KCNH1: variants seen among roughly 807,000 people sequenced by gnomAD.
KCNH1 encodes potassium voltage-gated channel subfamily H member 1, also known as voltage-gated delayed rectifier potassium channel KCNH1.
In KCNH1, 27 loss-of-function variants were observed where a neutral mutation model predicts 69.2. That is an observed-to-expected ratio of 0.39 (90% confidence interval 0.29 to 0.54). The LOEUF (loss-of-function observed/expected upper bound fraction) is 0.54, where lower values mean the gene tolerates loss of function less well. Among genes scored for constraint, KCNH1 ranks in the 20% least tolerant of loss-of-function variants. The pLI is 0.68. For synonymous variants in KCNH1, 456 were observed against 487.7 expected (o/e 0.93, Z 0.86); for missense variants, 798 against 1,261.6 (o/e 0.63, Z 5.57).
At chr1:210,980,687 A>G (rs968124589) in intron 6 of KCNH1, among the ~76,000 whole-genome samples, 4 of 152,164 alleles carry the variant, frequency 2.6e-5, no homozygotes, top group African/African-American at 9.7e-5. Context: ...TTGTCATGAG[A>G]ATAGTATGAG....
chr1:210,782,721 C>T (rs955222327), intron 9 of KCNH1, among the ~76,000 whole-genome samples: 12 of 151,368 alleles, frequency 7.9e-5, no homozygotes, highest in Middle Eastern at 3.4e-3. Context: ...AGTGAAACTC[C>T]GTCTCAAAAA....
intron 5 of KCNH1, among the ~76,000 whole-genome samples, chr1:211,061,576 C>T (rs1317431481): frequency 6.6e-6 from 1 of 151,860 alleles, no homozygotes; most frequent in Non-Finnish European, 1.5e-5. Flanking sequence ...AAACTAAAGA[C>T]TCCATTAAAA....
chr1:210,989,921 C>G (rs961281948), intron 6 of KCNH1, among the ~76,000 whole-genome samples: 5 of 152,138 alleles, frequency 3.3e-5, no homozygotes, highest in African/African-American at 1.2e-4. Context: ...TTTTCTCTTC[C>G]CTAGTCCCTA....
At chr1:210,921,075 G>A (rs1687450256) in intron 6 of KCNH1, among the ~76,000 whole-genome samples, 1 of 152,330 alleles carries the variant, frequency 6.6e-6, no homozygotes, top group Non-Finnish European at 1.5e-5. Context: ...GGATAATTCA[G>A]TTACCCCTTG....
chr1:210,721,815 ATAAAT>A (rs1462145184), intron 10 of KCNH1, among the ~76,000 whole-genome samples: 1 of 151,930 alleles, frequency 6.6e-6, no homozygotes, highest in Non-Finnish European at 1.5e-5. Flanking sequence ...AAATAAATAA[ATAAAT>A]AAATAAATAA....
intron 4 of KCNH1, among the ~76,000 whole-genome samples, chr1:211,088,636 A>G (rs1010161961): frequency 6.6e-6 from 1 of 152,246 alleles, no homozygotes; most frequent in African/African-American, 2.4e-5. Context: ...CATGTCTTTC[A>G]GGAGACATTA....
intron 5 of KCNH1, among the ~76,000 whole-genome samples, chr1:211,032,705 C>T (rs987699636): frequency 6.6e-6 from 1 of 152,094 alleles, no homozygotes; most frequent in African/African-American, 2.4e-5. Flanking sequence ...AACTGGCTAG[C>T]CATATGTAGA....
At chr1:210,925,790 C>T (rs1329402977) in intron 6 of KCNH1, among the ~76,000 whole-genome samples, 1 of 152,198 alleles carries the variant, frequency 6.6e-6, no homozygotes, top group Non-Finnish European at 1.5e-5. Flanking sequence ...TCTTTCTCTA[C>T]CAGCCCTGGT....
intron 3 of KCNH1, among the ~76,000 whole-genome samples, chr1:211,097,451 T>C (rs1405656376): frequency 6.6e-6 from 1 of 152,122 alleles, no homozygotes; most frequent in Admixed American, 6.5e-5. Context: ...AAAAAAAGTT[T>C]AAAAAGTTAA....
chr1:210,729,122 A>G (rs1682680670), intron 10 of KCNH1, among the ~76,000 whole-genome samples: 1 of 152,194 alleles, frequency 6.6e-6, no homozygotes, highest in South Asian at 2.1e-4. Flanking sequence ...AGAAGTAATC[A>G]TTTCCCTTCA....
chr1:210,775,760 A>T (rs1374544212), intron 9 of KCNH1, among the ~76,000 whole-genome samples: 1 of 152,192 alleles, frequency 6.6e-6, no homozygotes, highest in Non-Finnish European at 1.5e-5. Flanking sequence ...GCCAAAGTTT[A>T]ATCACTTTGA....
intron 6 of KCNH1, among the ~76,000 whole-genome samples, chr1:210,941,958 G>C (rs759538354): frequency 6.6e-6 from 1 of 152,172 alleles, no homozygotes; most frequent in Non-Finnish European, 1.5e-5. Flanking sequence ...ATGGTGATGA[G>C]ACTACTAATC....
At chr1:210,899,758 A>G (rs1000884135) in intron 7 of KCNH1, among the ~76,000 whole-genome samples, 2 of 152,196 alleles carry the variant, frequency 1.3e-5, no homozygotes, top group African/African-American at 2.4e-5. Flanking sequence ...AACATATTCC[A>G]TTTTGCAGAT....
chr1:210,913,679 T>C (rs1295954756), intron 7 of KCNH1, among the ~76,000 whole-genome samples: 3 of 152,194 alleles, frequency 2.0e-5, no homozygotes, highest in African/African-American at 7.2e-5. Context: ...AGGACTAATG[T>C]TTCCTAGTAT....
intron 7 of KCNH1, among the ~76,000 whole-genome samples, chr1:210,837,128 A>G (rs1190985628): frequency 6.6e-6 from 1 of 152,170 alleles, no homozygotes; most frequent in Non-Finnish European, 1.5e-5. Context: ...GCTCTCAAGT[A>G]TATCTGGGCC....
At chr1:210,789,393 T>C (rs1206763855) in intron 9 of KCNH1, among the ~76,000 whole-genome samples, 1 of 152,236 alleles carries the variant, frequency 6.6e-6, no homozygotes, top group Non-Finnish European at 1.5e-5. Flanking sequence ...CTGTCTTCAT[T>C]GCCTGGCCAT....
At chr1:210,741,938 C>A (rs997787060) in intron 10 of KCNH1, among the ~76,000 whole-genome samples, 2 of 152,130 alleles carry the variant, frequency 1.3e-5, no homozygotes, top group African/African-American at 4.8e-5. Context: ...GGATGGGATT[C>A]CTGGCAGGCA....
intron 10 of KCNH1, among the ~76,000 whole-genome samples, chr1:210,706,652 G>A (rs996403257): frequency 2.0e-5 from 3 of 152,246 alleles, no homozygotes; most frequent in African/African-American, 7.2e-5. Context: ...GAGGCCTCTT[G>A]GCCAGGAAAT....
intron 10 of KCNH1, among the ~76,000 whole-genome samples, chr1:210,701,959 C>T (rs570469505): frequency 1.1e-4 from 16 of 152,270 alleles, no homozygotes; most frequent in African/African-American, 3.9e-4. Flanking sequence ...CACTGGAATT[C>T]CTGCATTCTT....
Sources: gnomAD v4.1 joint callset for allele counts (sites outside exome capture counted in the v4.1 genomes callset) on GRCh38, gnomAD v4.1.1 for gene constraint, MANE v1.5 for transcripts, NCBI Gene and HGNC (gene_info 2026-07-23, HGNC 2026-07-21) for gene names.